The following STX17 variants were observed in gnomAD, a reference collection of about 807,000 sequenced individuals.
STX17 encodes the protein syntaxin-17.
In STX17, 29 loss-of-function variants were observed where a neutral mutation model predicts 35.9. The ratio of observed to expected loss-of-function variants is 0.81; its 90% CI spans 0.60 to 1.10. The LOEUF (loss-of-function observed/expected upper bound fraction) is 1.10, where lower values mean the gene tolerates loss of function less well. Among genes scored for constraint, STX17 ranks in the 50% least tolerant of loss-of-function variants. The pLI is 0.00. For missense variants in STX17, 312 were observed against 352.3 expected, an observed-to-expected ratio of 0.89 and a Z score of 0.92; for synonymous variants, 92 against 118.3, an observed-to-expected ratio of 0.78 and a Z score of 1.44.
chr9:99,947,202 A>G (rs1303356366), intron 3 of STX17, among the ~76,000 whole-genome samples: 1 of 152,040 alleles, frequency 6.6e-6, no homozygotes. Context: ...TCTTTCTTGA[A>G]CTGGGCCTAA....
At chr9:99,951,416 G>A in intron 4 of STX17, 131 bp downstream of exon 4, 1 of 793,026 alleles carries the variant, frequency 1.3e-6, no homozygotes. Context: ...CTGAATCCTT[G>A]GACCCTGATC....
At chr9:99,949,593 GTAA>G (rs1399904423) in intron 3 of STX17, among the ~76,000 whole-genome samples, 1 of 151,642 alleles carries the variant, frequency 6.6e-6, no homozygotes, top group African/African-American at 2.4e-5. Context: ...AATTTGGACT[GTAA>G]TAATGTAACA....
In STX17 at chr9:99,925,214, A is replaced by G. The variant is rs189050175; in HGVS notation, c.124-3564A>G. Among the ~76,000 whole-genome samples the G allele has an allele frequency of 2.3e-4, 35 of 152,042 alleles. No homozygotes were observed. In the East Asian group the frequency reaches 6.2e-3, roughly 27 times the overall value. ...ATCTTTAACATCACAGTCTATTTTC[A>G]AGTAATGTTATATATTTCACTTCAC... On this transcript the variant is annotated intron_variant, in intron 2 of 7. Coordinates refer to ENST00000259400, the MANE Select transcript of STX17 (RefSeq NM_017919.3).
In STX17 at chr9:99,971,477, A is replaced by G. The variant is rs1490178935; in HGVS notation, c.*2804A>G. On this transcript the variant is annotated 3_prime_UTR_variant, in exon 8 of 8. Transcript: ENST00000259400. Reference sequence around the variant, plus strand: ...AAATATGCCAGTTGCAACCCACTAAATTGATATCTACCAATGGGTTGCAAC... The same window carrying G: ...AAATATGCCAGTTGCAACCCACTAAGTTGATATCTACCAATGGGTTGCAAC... 6.6e-6 allele frequency among the ~76,000 whole-genome samples: 1 copy of G among 151,954 alleles called. No individual in the cohort carries two copies. The highest frequency in any genetic ancestry group is 1.9e-4 in the East Asian group (1 of 5,178).
At chr9:99,941,540 G>T (rs994083288) in intron 3 of STX17, among the ~76,000 whole-genome samples, 8 of 152,056 alleles carry the variant, frequency 5.3e-5, no homozygotes, top group African/African-American at 1.9e-4. Flanking sequence ...TTATTATACT[G>T]TGAACACTCA....
rs375477271 is a variant in STX17 at position 99,923,169 on chromosome 9, A to AT, written c.124-5609_124-5608insT. Among the ~76,000 whole-genome samples the AT allele has an allele frequency of 1.9e-4, 29 of 151,920 alleles. 1 individual carries two copies. The East Asian group carries it at 5.6e-3, about 30-fold the overall frequency. ...TAGGTTCAGGGAGTATATGGGCAGG[A>AT]ATATCACATGGGTAAATTGTGTGTT... is the stretch of plus-strand genomic sequence containing the variant. On this transcript the variant is annotated intron_variant, in intron 2 of 7. Transcript: ENST00000259400.
At chr9:99,959,862 C>A in intron 4 of STX17, 55 bp from the exon 5 acceptor site, 1 of 1,305,804 alleles carries the variant, frequency 7.7e-7, no homozygotes, top group Non-Finnish European at 1.1e-6. Context: ...TTTATGCTGT[C>A]TCTTTTCTAA....
At chr9:99,921,069 T>G (rs1254390540) in intron 2 of STX17, among the ~76,000 whole-genome samples, 1 of 152,192 alleles carries the variant, frequency 6.6e-6, no homozygotes, top group Non-Finnish European at 1.5e-5. Flanking sequence ...AGCATCATTA[T>G]AGGTTAGTTA....
rs1564079694 is a variant in STX17, at chr9:99,972,769, GTGTTTC to G, written c.*4098_*4103del. On this transcript the variant is annotated 3_prime_UTR_variant, in exon 8 of 8. Transcript: ENST00000259400. ...TTTGTGTTAACCTTAAATATGAAAG[GTGTTTC>G]TCAGGGTCCCCTTTGTCCTTCGTTG... 1.2e-4 allele frequency among the ~76,000 whole-genome samples: 19 copies of G among 152,260 alleles called. No individual in the cohort carries two copies. In the East Asian group the frequency reaches 3.5e-3, roughly 28 times the overall value.
intron 3 of STX17, among the ~76,000 whole-genome samples, chr9:99,942,631 A>G (rs1340450722): frequency 6.6e-6 from 1 of 152,110 alleles, no homozygotes; most frequent in Non-Finnish European, 1.5e-5. Flanking sequence ...CAGGGTTACA[A>G]AGATATTCTT....
chr9:99,933,408 G>A (rs1240313366), intron 3 of STX17, among the ~76,000 whole-genome samples: 1 of 152,046 alleles, frequency 6.6e-6, no homozygotes, highest in Admixed American at 6.6e-5. Context: ...GCTATACTTG[G>A]CTCTTTAGTC....
intron 4 of STX17, among the ~76,000 whole-genome samples, chr9:99,951,516 G>C (rs940384059): frequency 6.6e-6 from 1 of 151,946 alleles, no homozygotes; most frequent in Non-Finnish European, 1.5e-5. Flanking sequence ...GAAAGTACCC[G>C]TTTGTCTATT....
chr9:99,923,187 T>G (rs1165930211), intron 2 of STX17, among the ~76,000 whole-genome samples: 2 of 152,108 alleles, frequency 1.3e-5, no homozygotes, highest in African/African-American at 2.4e-5. Context: ...ATGGGTAAAT[T>G]GTGTGTTGCT....
At chr9:99,940,052 T>C (rs1259251095) in intron 3 of STX17, among the ~76,000 whole-genome samples, 2 of 152,356 alleles carry the variant, frequency 1.3e-5, no homozygotes, top group Non-Finnish European at 1.5e-5. Flanking sequence ...TCTGAACTTA[T>C]CATAGCACAC....
At chr9:99,959,170 TTCC>T (rs2118515267) in intron 4 of STX17, among the ~76,000 whole-genome samples, 1 of 152,344 alleles carries the variant, frequency 6.6e-6, no homozygotes, top group Non-Finnish European at 1.5e-5. Flanking sequence ...TTGGTGCTTC[TTCC>T]ACATTTAGCC....
At chr9:99,923,947 T>C (rs1389300180) in intron 2 of STX17, among the ~76,000 whole-genome samples, 2 of 152,182 alleles carry the variant, frequency 1.3e-5, no homozygotes, top group African/African-American at 2.4e-5. Flanking sequence ...GGAACCTCCA[T>C]GTGATCATCT....
intron 3 of STX17, among the ~76,000 whole-genome samples, chr9:99,941,124 C>G (rs923540361): frequency 2.6e-5 from 4 of 152,154 alleles, no homozygotes; most frequent in African/African-American, 9.7e-5. Context: ...TAGTTGGTTT[C>G]TTGATAGTTG....
intron 3 of STX17, among the ~76,000 whole-genome samples, chr9:99,943,787 T>C (rs1587929378): frequency 6.6e-6 from 1 of 152,180 alleles, no homozygotes; most frequent in Admixed American, 6.5e-5. Flanking sequence ...TTATTCTTAA[T>C]CTTCTTAAGT....
rs139658492 is a variant in STX17, at chr9:99,969,027, C to A, written c.*354C>A. 1.4e-3 allele frequency: 234 copies of A among 169,490 alleles called. No individual in the cohort carries two copies. Among genetic ancestry groups the A allele is most frequent in the African/African-American group, 5.4e-3 (227 of 42,040 alleles). The allele number at this position is 169,490 out of a possible 1,614,324, so 10.5% of individuals were successfully genotyped here. A position where few individuals can be genotyped will look rare whatever the true frequency, so the allele number is the denominator to read the frequency against. On this transcript the variant is annotated 3_prime_UTR_variant, in exon 8 of 8. Coordinates refer to ENST00000259400, the MANE Select transcript of STX17 (RefSeq NM_017919.3). ...TGGAAGACTAGTTTCTTCCATAACC[C>A]TGAATTGGAGACCTTAATGCTAAGT...
Sources: allele counts gnomAD v4.1 joint callset (sites outside exome capture counted in the v4.1 genomes callset), GRCh38; gene constraint gnomAD v4.1.1; transcripts MANE v1.5; gene names NCBI Gene and HGNC (gene_info 2026-07-23, HGNC 2026-07-21).